Variants in HCN1 observed in about 807,000 individuals in gnomAD.
HCN1 encodes hyperpolarization activated cyclic nucleotide gated potassium channel 1.
Under a neutral mutation model 78.9 loss-of-function variants are expected in HCN1, and 13 were observed. That is an observed-to-expected ratio of 0.16 (90% CI 0.11 to 0.26). The LOEUF (loss-of-function observed/expected upper bound fraction) is 0.26. Among genes scored for constraint, HCN1 ranks in the 10% least tolerant of loss-of-function variants. HCN1 has a pLI of 1.00. For synonymous variants in HCN1, 552 were observed against 455.5 expected (o/e 1.21, Z -2.70); for missense variants, 810 against 1,154.3 (o/e 0.70, Z 4.32).
intron 3 of HCN1, among the ~76,000 whole-genome samples, chr5:45,409,977 AAAAAACAAAAC>A (rs1373067582): frequency 2.0e-5 from 3 of 151,894 alleles, no homozygotes; most frequent in African/African-American, 2.4e-5. Flanking sequence ...TCTAAGAATT[AAAAAACAAAAC>A]AAAAACAAAA....
In HCN1 at chr5:45,299,984, C is replaced by T. The variant is rs571847329; in HGVS notation, c.1618+3615G>A. On this transcript the variant is annotated intron_variant, in intron 6 of 7. Transcript: ENST00000303230. ...TCAGAAATGATCTTATGGTTTAACA[C>T]AAGGATATTCAGTGATGTGATTCAC... Among the ~76,000 whole-genome samples, 165 of 152,014 alleles carry T rather than the reference C, an allele frequency of 1.1e-3. 2 individuals are homozygous for T. Among genetic ancestry groups the T allele is most frequent in the Non-Finnish European group, 1.0e-3 (71 of 67,892 alleles).
chr5:45,672,482 G>T lies in HCN1; in HGVS notation c.425+23187C>A, dbSNP rs939404226. On this transcript the variant is annotated intron_variant, in intron 1 of 7. Transcript: ENST00000303230. ...TTGTATTACAAATGTTTATTCTCAG[G>T]CTATCAGTACATATATTATCAACCC... 1.6e-4 allele frequency among the ~76,000 whole-genome samples: 24 copies of T among 150,578 alleles called. 1 individual carries two copies. The highest frequency in any genetic ancestry group is 3.4e-3 in the Middle Eastern group (1 of 294).
intron 2 of HCN1, among the ~76,000 whole-genome samples, chr5:45,596,006 C>T (rs1744486815): frequency 6.6e-6 from 1 of 152,072 alleles, no homozygotes; most frequent in Non-Finnish European, 1.5e-5. Flanking sequence ...TCTCCCGCCC[C>T]CGCCTCAGCC....
rs1456646855 is a variant in HCN1 at position 45,256,263 on chromosome 5, C to T, written c.*5658G>A. 2 of 151,666 alleles carry T rather than the reference C, an allele frequency of 1.3e-5. No individual in the cohort carries two copies. The highest frequency in any genetic ancestry group is 1.9e-4 in the East Asian group (1 of 5,136). 9.4% of individuals were successfully genotyped at this position (151,666 alleles called of 1,614,324 possible). On this transcript the variant is annotated 3_prime_UTR_variant, in exon 8 of 8. Coordinates refer to ENST00000303230, the MANE Select transcript of HCN1 (RefSeq NM_021072.4). ...TGGCGGGCACCTGTAATCCCAGCTA[C>T]TCTGGAGGCTGATGCAGGAGAATTG... is the stretch of plus-strand genomic sequence containing the variant.
chr5:45,436,577 T>G (rs1184930780), intron 3 of HCN1, among the ~76,000 whole-genome samples: 1 of 152,188 alleles, frequency 6.6e-6, no homozygotes, highest in Non-Finnish European at 1.5e-5. Context: ...GAAAATCACT[T>G]TACTCAATCT....
chr5:45,686,268 A>G (rs1288342320), intron 1 of HCN1, among the ~76,000 whole-genome samples: 18 of 151,754 alleles, frequency 1.2e-4, no homozygotes, highest in Admixed American at 1.2e-3. Context: ...AGCATCAAGG[A>G]TTATAAGGAG....
At chr5:45,599,096 A>G (rs929436646) in intron 2 of HCN1, among the ~76,000 whole-genome samples, 1 of 152,008 alleles carries the variant, frequency 6.6e-6, no homozygotes, top group Admixed American at 6.6e-5. Flanking sequence ...ATCACTATAA[A>G]GACACATGCA....
intron 2 of HCN1, among the ~76,000 whole-genome samples, chr5:45,476,021 C>T (rs1741506575): frequency 6.6e-6 from 1 of 152,030 alleles, no homozygotes; most frequent in Non-Finnish European, 1.5e-5. Flanking sequence ...AAATATTTTA[C>T]AAAGCATATT....
chr5:45,588,544 T>TC (rs546744404), intron 2 of HCN1, among the ~76,000 whole-genome samples: 47 of 152,076 alleles, frequency 3.1e-4, no homozygotes, highest in Non-Finnish European at 6.0e-4. Flanking sequence ...CCTGACCCCC[T>TC]CCTCTAAATG....
chr5:45,520,750 GC>G (rs1430045398), intron 2 of HCN1, among the ~76,000 whole-genome samples: 2 of 151,948 alleles, frequency 1.3e-5, no homozygotes, highest in Non-Finnish European at 2.9e-5. Context: ...TTATGGCAGA[GC>G]CTGTATAAAG....
intron 2 of HCN1, among the ~76,000 whole-genome samples, chr5:45,553,528 C>T (rs1743412624): frequency 1.3e-5 from 2 of 151,806 alleles, no homozygotes; most frequent in South Asian, 4.1e-4. Context: ...AAAGTTGTCC[C>T]TTGGTATCCA....
chr5:45,445,247 T>G (rs1477283355), intron 3 of HCN1, among the ~76,000 whole-genome samples: 1 of 152,184 alleles, frequency 6.6e-6, no homozygotes, highest in Non-Finnish European at 1.5e-5. Context: ...CGCACCTGGC[T>G]CGGAGGGTCC....
rs567486398 is a variant in HCN1, at chr5:45,313,554, C to T, written c.1378-9715G>A. Among the ~76,000 whole-genome samples the T allele has an allele frequency of 1.8e-4, 27 of 151,996 alleles. No individual in the cohort carries two copies. The East Asian group carries it at 2.9e-3, about 16-fold the overall frequency. Reference sequence around the variant, plus strand: ...TGAGTTGAGAGAAGAAGGCTTCAGACGATAAAACTTCTCCAAGCTAAAGGA... The same window carrying T: ...TGAGTTGAGAGAAGAAGGCTTCAGATGATAAAACTTCTCCAAGCTAAAGGA... On this transcript the variant is annotated intron_variant, in intron 5 of 7. Coordinates refer to ENST00000303230, the MANE Select transcript of HCN1 (RefSeq NM_021072.4).
At chr5:45,686,573 G>T (rs748567966) in intron 1 of HCN1, among the ~76,000 whole-genome samples, 3 of 152,136 alleles carry the variant, frequency 2.0e-5, no homozygotes, top group African/African-American at 7.2e-5. Flanking sequence ...ATTAGGTACT[G>T]TTGAACCAAG....
intron 2 of HCN1, among the ~76,000 whole-genome samples, chr5:45,561,352 A>G (rs1743597224): frequency 6.6e-6 from 1 of 151,994 alleles, no homozygotes. Flanking sequence ...AAAATTTCCA[A>G]TTCATCTTAA....
chr5:45,264,200 A>G (rs1425915891), intron 7 of HCN1, among the ~76,000 whole-genome samples: 1 of 152,176 alleles, frequency 6.6e-6, no homozygotes, highest in Non-Finnish European at 1.5e-5. Context: ...GCAGGCTCTC[A>G]GCTCCCTCTA....
chr5:45,466,689 G>A (rs1380889311), intron 2 of HCN1, among the ~76,000 whole-genome samples: 1 of 152,068 alleles, frequency 6.6e-6, no homozygotes, highest in Non-Finnish European at 1.5e-5. Flanking sequence ...GGCTCAATAT[G>A]TAATAGTCCT....
At chr5:45,398,314 T>C (rs1739723227) in intron 3 of HCN1, among the ~76,000 whole-genome samples, 1 of 152,128 alleles carries the variant, frequency 6.6e-6, no homozygotes, top group African/African-American at 2.4e-5. Context: ...TATGTACTCT[T>C]CACTCAGCTT....
chr5:45,440,165 G>A lies in HCN1; in HGVS notation c.1011+21681C>T, dbSNP rs532978879. On this transcript the variant is annotated intron_variant, in intron 3 of 7. Transcript: ENST00000303230. ...CAAGCATCACTAAAGGTCCAAGACT[G>A]TCAGAAACCAAACATTTGTTTTAGT... Among the ~76,000 whole-genome samples, 6 of 151,774 alleles carry A rather than the reference G, an allele frequency of 4.0e-5. 1 individual carries two copies. Among genetic ancestry groups the A allele is most frequent in the African/African-American group, 1.4e-4 (6 of 41,466 alleles).
Sources: gnomAD v4.1 joint callset for allele counts (sites outside exome capture counted in the v4.1 genomes callset) on GRCh38, gnomAD v4.1.1 for gene constraint, MANE v1.5 for transcripts, NCBI Gene and HGNC (gene_info 2026-07-23, HGNC 2026-07-21) for gene names.